SLC39A11: variants seen among roughly 807,000 people sequenced by gnomAD.
SLC39A11 encodes zinc transporter ZIP11.
Under a neutral mutation model 36.1 loss-of-function variants are expected in SLC39A11, and 33 were observed. The ratio of observed to expected loss-of-function variants is 0.91; its 90% CI spans 0.69 to 1.22. The LOEUF is 1.22. Among genes scored for constraint, SLC39A11 ranks in the 50% most tolerant of loss-of-function variants. The pLI is 0.00. For synonymous variants in SLC39A11, 166 were observed against 170.3 expected, an observed-to-expected ratio of 0.97 and a Z score of 0.20; for missense variants, 432 against 430.3, an observed-to-expected ratio of 1.00 and a Z score of -0.03.
At chr17:72,916,819 C>T (rs1160458611) in intron 5 of SLC39A11, among the ~76,000 whole-genome samples, 1 of 152,184 alleles carries the variant, frequency 6.6e-6, no homozygotes, top group African/African-American at 2.4e-5. Flanking sequence ...GCAAGCCCAC[C>T]CAACTCATTG....
At chr17:72,792,980 G>A (rs576196152) in intron 6 of SLC39A11, among the ~76,000 whole-genome samples, 4 of 152,228 alleles carry the variant, frequency 2.6e-5, no homozygotes, top group South Asian at 2.1e-4. Flanking sequence ...CCCTACTGCC[G>A]GCGGGGTGGG....
In SLC39A11 at chr17:72,900,145, AAAGAAAG is replaced by A. The variant is rs2082281121; in HGVS notation, c.430+47600_430+47606del. Among the ~76,000 whole-genome samples, 2 of 25,056 alleles carry A rather than the reference AAAGAAAG, an allele frequency of 8.0e-5. 1 individual carries two copies. The highest frequency in any genetic ancestry group is 2.1e-3 in the South Asian group (2 of 936). The allele number at this position is 25,056 out of a possible 152,430, so 16.4% of individuals were successfully genotyped here. On this transcript the variant is annotated intron_variant, in intron 5 of 9. Transcript: ENST00000255559. ...AGAAAAGAAAGAAAGAAAGAAAAAGAAAGAAAGAAAAGAAAGAAAGAAAGAAAGAAAG... is the reference window on the plus strand; with the variant it reads ...AGAAAAGAAAGAAAGAAAGAAAAAGAAAAAGAAAGAAAGAAAGAAAGAAAG...
chr17:72,996,865 T>A (rs544906595), intron 4 of SLC39A11, among the ~76,000 whole-genome samples: 1 of 152,172 alleles, frequency 6.6e-6, no homozygotes, highest in Admixed American at 6.5e-5. Flanking sequence ...GAAGTATCCA[T>A]GGGTCGGTTC....
At chr17:72,890,938 C>T (rs1479648309) in intron 5 of SLC39A11, among the ~76,000 whole-genome samples, 2 of 152,096 alleles carry the variant, frequency 1.3e-5, no homozygotes. Context: ...AGAATTTCAG[C>T]AAAATCATGA....
At chr17:72,928,003 A>T (rs191910463) in intron 5 of SLC39A11, among the ~76,000 whole-genome samples, 64 of 152,282 alleles carry the variant, frequency 4.2e-4, no homozygotes, top group African/African-American at 1.5e-3. Context: ...CACTCTCAAT[A>T]AGGCTGAATT....
chr17:72,689,492 C>T (rs1380073536), intron 7 of SLC39A11, among the ~76,000 whole-genome samples: 1 of 152,228 alleles, frequency 6.6e-6, no homozygotes, highest in African/African-American at 2.4e-5. Flanking sequence ...CACTTGCACA[C>T]ACCTGTTCAT....
chr17:73,035,476 C>T lies in SLC39A11; in HGVS notation c.148-3762G>A, dbSNP rs148500488. 6.3e-3 allele frequency among the ~76,000 whole-genome samples: 959 copies of T among 152,184 alleles called. 40 individuals carry two copies. The highest frequency in any genetic ancestry group is 0.055 in the Admixed American group (847 of 15,272). ...TAAAGGGCGAGTGGGGTAGAAAAGA[C>T]GACTGTATCCTAATGCCTAAAACCT... is the stretch of plus-strand genomic sequence containing the variant. On this transcript the variant is annotated intron_variant, in intron 3 of 9. Coordinates refer to ENST00000255559, the MANE Select transcript of SLC39A11 (RefSeq NM_139177.4).
Position 72,855,754 on chromosome 17 carries a change from A to G in SLC39A11, c.431-5950T>C, listed in dbSNP as rs371666379. On this transcript the variant is annotated intron_variant, in intron 5 of 9. Transcript: ENST00000255559. ...TACTAAAAAATACAAAAAATTAGCC[A>G]GGCGTGGTGGCGGGCACCTGTAGTC... Among the ~76,000 whole-genome samples, 1,269 of 151,926 alleles carry G rather than the reference A, an allele frequency of 8.4e-3. 16 individuals carry two copies. Among genetic ancestry groups the G allele is most frequent in the African/African-American group, 0.029 (1,193 of 41,404 alleles).
intron 5 of SLC39A11, among the ~76,000 whole-genome samples, chr17:72,911,777 G>A (rs1421439790): frequency 6.6e-6 from 1 of 152,084 alleles, no homozygotes; most frequent in Non-Finnish European, 1.5e-5. Flanking sequence ...CCGAGTAGCT[G>A]GAATTACAGG....
At chr17:72,949,419 C>T (rs1280664265) in intron 4 of SLC39A11, among the ~76,000 whole-genome samples, 1 of 151,876 alleles carries the variant, frequency 6.6e-6, no homozygotes, top group Non-Finnish European at 1.5e-5. Flanking sequence ...CCTCGGCCTC[C>T]CAAAGTGCTG....
intron 6 of SLC39A11, among the ~76,000 whole-genome samples, chr17:72,846,809 C>T (rs2079073724): frequency 1.3e-5 from 2 of 152,186 alleles, no homozygotes; most frequent in African/African-American, 4.8e-5. Flanking sequence ...CAGATCTTTA[C>T]TCTTCCTCAA....
intron 7 of SLC39A11, among the ~76,000 whole-genome samples, chr17:72,727,425 G>C (rs553722096): frequency 6.6e-6 from 1 of 151,938 alleles, no homozygotes; most frequent in East Asian, 1.9e-4. Context: ...AGGCCGAGGC[G>C]GGTGGATCAC....
intron 3 of SLC39A11, among the ~76,000 whole-genome samples, chr17:73,071,011 C>A (rs930674053): frequency 4.6e-5 from 7 of 152,276 alleles, no homozygotes; most frequent in Non-Finnish European, 8.8e-5. Context: ...CCTCCACCCC[C>A]CAACCTCAGA....
chr17:73,057,344 A>T (rs1361379222), intron 3 of SLC39A11, among the ~76,000 whole-genome samples: 1 of 152,198 alleles, frequency 6.6e-6, no homozygotes, highest in Non-Finnish European at 1.5e-5. Flanking sequence ...TAGATTCTTT[A>T]TAAAAGGCAA....
At chr17:72,841,249 G>A (rs2078794271) in intron 6 of SLC39A11, among the ~76,000 whole-genome samples, 1 of 152,296 alleles carries the variant, frequency 6.6e-6, no homozygotes, top group East Asian at 1.9e-4. Context: ...CTTCTTGCAA[G>A]AAGCTCCATC....
chr17:73,080,907 C>T (rs1465509671), intron 3 of SLC39A11, among the ~76,000 whole-genome samples: 1 of 151,828 alleles, frequency 6.6e-6, no homozygotes, highest in African/African-American at 2.4e-5. Flanking sequence ...ACCGCACCAC[C>T]ACACTCCAGC....
At chr17:72,841,433 A>C (rs1465163962) in intron 6 of SLC39A11, among the ~76,000 whole-genome samples, 1 of 152,244 alleles carries the variant, frequency 6.6e-6, no homozygotes, top group Non-Finnish European at 1.5e-5. Flanking sequence ...TGTGAAGTGA[A>C]CTAAGCCAGG....
chr17:73,038,882 G>C (rs1167813040), intron 3 of SLC39A11, among the ~76,000 whole-genome samples: 1 of 151,904 alleles, frequency 6.6e-6, no homozygotes, highest in African/African-American at 2.4e-5. Flanking sequence ...CCTGGTTGTT[G>C]CTGAACTCTT....
Position 72,756,046 on chromosome 17 carries a change from A to G in SLC39A11, c.602-19327T>C, listed in dbSNP as rs138433361. Among the ~76,000 whole-genome samples, 733 of 152,334 alleles carry G rather than the reference A, an allele frequency of 4.8e-3. 5 individuals carry two copies. The highest frequency in any genetic ancestry group is 0.016 in the African/African-American group (673 of 41,558). On this transcript the variant is annotated intron_variant, in intron 6 of 9. Coordinates refer to ENST00000255559, the MANE Select transcript of SLC39A11 (RefSeq NM_139177.4). ...TGTCTACTCTCGAGAAAACAAAAAC[A>G]TAACAGTGTTGGCAAGGATGTGGAG...
Sources: gnomAD v4.1 joint callset for allele counts (sites outside exome capture counted in the v4.1 genomes callset) on GRCh38, gnomAD v4.1.1 for gene constraint, MANE v1.5 for transcripts, NCBI Gene and HGNC (gene_info 2026-07-23, HGNC 2026-07-21) for gene names.